Variants in TSPAN12 observed in about 807,000 individuals in gnomAD.
TSPAN12 encodes tetraspanin 12, also known as tetraspanin-12.
TSPAN12 carries 19 observed loss-of-function variants against 39.2 expected under a neutral mutation model. The ratio of observed to expected loss-of-function variants is 0.49; its 90% confidence interval spans 0.34 to 0.71. The LOEUF (loss-of-function observed/expected upper bound fraction) is 0.71, where lower values mean the gene tolerates loss of function less well. Among genes scored for constraint, TSPAN12 ranks in the 30% least tolerant of loss-of-function variants. TSPAN12 has a pLI of 0.01. For synonymous variants in TSPAN12, 119 were observed against 124.8 expected, an observed-to-expected ratio of 0.95 and a Z score of 0.31; for missense variants, 314 against 359.9, an observed-to-expected ratio of 0.87 and a Z score of 1.03.
At chr7:120,806,819 T>C in intron 6 of TSPAN12, 127 bp from the exon 7 acceptor site, 2 of 1,139,032 alleles carry the variant, frequency 1.8e-6, no homozygotes, top group Non-Finnish European at 2.6e-6. Flanking sequence ...TAATGATATA[T>C]GTACAGTCTA....
intron 5 of TSPAN12, among the ~76,000 whole-genome samples, chr7:120,811,444 G>A (rs1011924751): frequency 8.5e-5 from 13 of 152,112 alleles, no homozygotes; most frequent in African/African-American, 2.7e-4. Flanking sequence ...CAAGACGGGC[G>A]GATCACGAGG....
chr7:120,799,797 T>G (rs1005816008), intron 7 of TSPAN12, among the ~76,000 whole-genome samples: 2 of 136,316 alleles, frequency 1.5e-5, no homozygotes, highest in Admixed American at 8.0e-5. Context: ...AATAAATATA[T>G]TAAATATTTA....
At chr7:120,807,791 A>G (rs1399229681) in intron 6 of TSPAN12, among the ~76,000 whole-genome samples, 4 of 152,132 alleles carry the variant, frequency 2.6e-5, no homozygotes, top group South Asian at 4.1e-4. Flanking sequence ...AGAAAAAAAA[A>G]TCATCTTAAG....
At chr7:120,792,548 A>G (rs765760023) in intron 7 of TSPAN12, among the ~76,000 whole-genome samples, 45 of 152,094 alleles carry the variant, frequency 3.0e-4, no homozygotes, top group Non-Finnish European at 2.5e-4. Flanking sequence ...GACCTGCAAA[A>G]TCCTGAGATC....
At chr7:120,809,628 G>A (rs2116359779) in intron 6 of TSPAN12, among the ~76,000 whole-genome samples, 1 of 152,154 alleles carries the variant, frequency 6.6e-6, no homozygotes, top group South Asian at 2.1e-4. Flanking sequence ...ATAAATTAAA[G>A]GAAACTGAAA....
At chr7:120,849,400 A>C (rs1794729892) in intron 2 of TSPAN12, among the ~76,000 whole-genome samples, 3 of 152,214 alleles carry the variant, frequency 2.0e-5, no homozygotes, top group Admixed American at 2.0e-4. Context: ...TCCTAAGTGT[A>C]TTATGAAATG....
At chr7:120,821,541 A>G (rs1794188045) in intron 4 of TSPAN12, among the ~76,000 whole-genome samples, 1 of 152,128 alleles carries the variant, frequency 6.6e-6, no homozygotes, top group Non-Finnish European at 1.5e-5. Context: ...TGGGCAAACC[A>G]CTACACCTCA....
At chr7:120,814,074 C>T (rs1411781173) in intron 5 of TSPAN12, 1 of 387,262 alleles carries the variant, frequency 2.6e-6, no homozygotes, top group East Asian at 7.4e-5. Flanking sequence ...TGCCAAAGCA[C>T]CACTGACATG....
intron 7 of TSPAN12, among the ~76,000 whole-genome samples, chr7:120,805,339 C>T (rs1793851354): frequency 6.6e-6 from 1 of 152,114 alleles, no homozygotes; most frequent in South Asian, 2.1e-4. Context: ...GACTGCCCAT[C>T]TCAACAACTG....
At chr7:120,835,229 C>T (rs1794454976) in intron 4 of TSPAN12, among the ~76,000 whole-genome samples, 1 of 152,110 alleles carries the variant, frequency 6.6e-6, no homozygotes, top group Non-Finnish European at 1.5e-5. Context: ...CTATTAGAGA[C>T]ATCAGTAAAG....
At position 120,827,702 on chromosome 7, in the gene TSPAN12, G is replaced by A. The variant is rs141182831; in HGVS notation, c.285+11075C>T. Among the ~76,000 whole-genome samples the A allele has an allele frequency of 1.2e-4, 18 of 152,278 alleles. No homozygotes were observed. In the East Asian group the frequency reaches 3.3e-3, roughly 28 times the overall value. ...CTTTTATAAACAAACCAATGATGAC[G>A]TGAGGAAAGCATATCCATTATCTCT... On this transcript the variant is annotated intron_variant, in intron 4 of 7. Transcript: ENST00000222747.
At chr7:120,836,316 G>A (rs139997572) in intron 4 of TSPAN12, among the ~76,000 whole-genome samples, 178 of 152,250 alleles carry the variant, frequency 1.2e-3, no homozygotes, top group Middle Eastern at 0.01. Flanking sequence ...ACAGAGTAAG[G>A]ACTAGAAGCC....
intron 2 of TSPAN12, among the ~76,000 whole-genome samples, 177 bp from the exon 3 acceptor site, chr7:120,840,286 A>G (rs1450449644): frequency 6.6e-6 from 1 of 152,222 alleles, no homozygotes; most frequent in Non-Finnish European, 1.5e-5. Flanking sequence ...ATCATGTCCT[A>G]GGCACCAAAT....
rs1584918219 is a variant in TSPAN12 at position 120,789,940 on chromosome 7, C to T, written c.613-1043G>A. Among the ~76,000 whole-genome samples, 5 of 152,042 alleles carry T rather than the reference C, an allele frequency of 3.3e-5. No homozygotes were observed. In the East Asian group the frequency reaches 9.7e-4, roughly 29 times the overall value. ...TGGTGCCAGCCAAGTAGAGGACCAT[C>T]TGCACAATAAAAGATTAGGGTGGGG... On this transcript the variant is annotated intron_variant, in intron 7 of 7. Transcript: ENST00000222747.
chr7:120,787,806 A>G lies in TSPAN12; in HGVS notation c.*786T>C, dbSNP rs969176661. The G allele has an allele frequency of 2.6e-5, 4 of 152,388 alleles. No individual in the cohort carries two copies. The highest frequency in any genetic ancestry group is 9.6e-5 in the African/African-American group (4 of 41,456). 9.4% of individuals were successfully genotyped at this position (152,388 alleles called of 1,614,324 possible). A position where few individuals can be genotyped will look rare whatever the true frequency, so the allele number is the denominator to read the frequency against. On this transcript the variant is annotated 3_prime_UTR_variant, in exon 8 of 8. Transcript: ENST00000222747. ...ATGTATCACACTGGTAATTTTCAAA[A>G]TTAGTGGTTAAGTATTTAAATAACA...
At chr7:120,806,952 A>T (rs1304728770) in intron 6 of TSPAN12, among the ~76,000 whole-genome samples, 1 of 152,074 alleles carries the variant, frequency 6.6e-6, no homozygotes, top group Non-Finnish European at 1.5e-5. Flanking sequence ...TCACTCCCTA[A>T]CTGTAAGCTC....
intron 6 of TSPAN12, among the ~76,000 whole-genome samples, chr7:120,808,473 G>C (rs906060712): frequency 2.0e-5 from 3 of 152,008 alleles, no homozygotes; most frequent in African/African-American, 7.3e-5. Flanking sequence ...TTGTGAGATA[G>C]TACTACTCTT....
chr7:120,806,485 G>C, intron 7 of TSPAN12, 64 bp downstream of exon 7: 3 of 1,578,468 alleles, frequency 1.9e-6, no homozygotes, highest in Middle Eastern at 2.0e-4. Flanking sequence ...GCATATTGTT[G>C]ATTCTTTAAA....
At chr7:120,841,887 T>G (rs1794585767) in intron 2 of TSPAN12, among the ~76,000 whole-genome samples, 1 of 152,186 alleles carries the variant, frequency 6.6e-6, no homozygotes, top group South Asian at 2.1e-4. Context: ...GTTTTAAATT[T>G]TTTCATTATT....
Sources: gnomAD v4.1 joint callset for allele counts (sites outside exome capture counted in the v4.1 genomes callset) on GRCh38, gnomAD v4.1.1 for gene constraint, MANE v1.5 for transcripts, NCBI Gene and HGNC (gene_info 2026-07-23, HGNC 2026-07-21) for gene names.